C11orf65: variants seen among roughly 807,000 people sequenced by gnomAD.
C11orf65 encodes chromosome 11 open reading frame 65, also known as protein MFI.
Under a neutral mutation model 35.3 loss-of-function variants are expected in C11orf65, and 38 were observed. That is an observed-to-expected ratio of 1.08 (90% confidence interval 0.83 to 1.41). C11orf65 has a LOEUF of 1.41. Among genes scored for constraint, C11orf65 ranks in the 40% most tolerant of loss-of-function variants. The pLI is 0.00. For missense variants in C11orf65, 370 were observed against 367.1 expected, an observed-to-expected ratio of 1.01 and a Z score of -0.06; for synonymous variants, 105 against 114.4, an observed-to-expected ratio of 0.92 and a Z score of 0.53.
rs1438794568 is a variant in C11orf65, at chr11:108,461,512, G to A, written c.48C>T (p.Ala16=). ...TTTTCCAGGCCTGCTGAATGACTCT[G>A]GCAGCCTTATCCTGCTTTGTAAATT... The part of the protein sequence containing the change: ...ESEFTKQDKA[A]RVIQQAWKSF... Residue 16 remains alanine, a synonymous_variant, in exon 2 of 9, where the codon GCC becomes GCT. Transcript: ENST00000393084. The A allele has an allele frequency of 6.2e-7, 1 of 1,610,656 alleles. No homozygotes were observed.
intron 2 of C11orf65, among the ~76,000 whole-genome samples, chr11:108,363,964 T>G (rs1488479058): frequency 6.6e-6 from 1 of 152,214 alleles, no homozygotes; most frequent in African/African-American, 2.4e-5. Context: ...TTTGGATCTC[T>G]GAAATCTAAA....
At chr11:108,357,734 C>T (rs1341598767) in intron 2 of C11orf65, among the ~76,000 whole-genome samples, 1 of 152,152 alleles carries the variant, frequency 6.6e-6, no homozygotes. Flanking sequence ...AGCTGAGGGT[C>T]TTGTCTGTTA....
chr11:108,371,365 C>G (rs1402764267), intron 2 of C11orf65, among the ~76,000 whole-genome samples: 1 of 152,188 alleles, frequency 6.6e-6, no homozygotes, highest in Non-Finnish European at 1.5e-5. Context: ...AAATTCTATA[C>G]CCATTAAACA....
chr11:108,431,887 TCTA>T (rs2092995546), intron 2 of C11orf65, 49 bp from the exon 3 acceptor site: 1 of 1,192,352 alleles, frequency 8.4e-7, no homozygotes, highest in African/African-American at 1.5e-5. Context: ...ATTTTCTATT[TCTA>T]CTTCGCTTTT....
At chr11:108,320,939 A>G (rs567469993) in intron 6 of C11orf65, among the ~76,000 whole-genome samples, 1 of 152,236 alleles carries the variant, frequency 6.6e-6, no homozygotes, top group South Asian at 2.1e-4. Context: ...AGAAAATGTT[A>G]TTGAAAATTA....
chr11:108,331,147 C>T, downstream of C11orf65: 1 of 1,099,658 alleles, frequency 9.1e-7, no homozygotes. Context: ...CAGTCACACT[C>T]AGATCACATT....
rs776103192 is a variant in C11orf65, at chr11:108,332,740, G to GT, written c.300-1174dup. 1.6e-5 allele frequency: 26 copies of GT among 1,607,784 alleles called. No individual in the cohort carries two copies. Among genetic ancestry groups the GT allele is most frequent in the Non-Finnish European group, 2.0e-5 (23 of 1,177,866 alleles). ...AATGTTGGGTAGTTCCTTATGTAATGTTTTTTGTTTTTTATTAATAGGATC... is the reference window on the plus strand; with the variant it reads ...AATGTTGGGTAGTTCCTTATGTAATGTTTTTTTGTTTTTTATTAATAGGATC... On this transcript the variant is annotated intron_variant, in intron 3 of 3. Transcript: ENST00000524755.
chr11:108,454,269 T>C (rs1312781758), intron 2 of C11orf65, among the ~76,000 whole-genome samples: 1 of 151,904 alleles, frequency 6.6e-6, no homozygotes, highest in African/African-American at 2.4e-5. Context: ...TAATGTCTCA[T>C]CTTTCATTTC....
intron 3 of C11orf65, among the ~76,000 whole-genome samples, chr11:108,427,594 C>T (rs1455221034): frequency 1.5e-4 from 22 of 148,638 alleles, no homozygotes; most frequent in Middle Eastern, 3.4e-3. Flanking sequence ...TGGTGGCGCG[C>T]GTCTGTAGTC....
chr11:108,361,784 T>C (rs2090793863), intron 2 of C11orf65, among the ~76,000 whole-genome samples: 1 of 152,120 alleles, frequency 6.6e-6, no homozygotes, highest in Non-Finnish European at 1.5e-5. Context: ...TTACACCTGA[T>C]ACAAAAATTA....
At chr11:108,332,140 G>A (rs1000471311) in intron 3 of C11orf65, 53 of 1,462,334 alleles carry the variant, frequency 3.6e-5, no homozygotes, top group Admixed American at 5.8e-5. Context: ...ATCTAAAATC[G>A]GTTCAAGGCT....
intron 2 of C11orf65, among the ~76,000 whole-genome samples, chr11:108,451,358 C>T (rs1035795892): frequency 9.9e-5 from 15 of 152,004 alleles, no homozygotes; most frequent in African/African-American, 3.6e-4. Flanking sequence ...TCCTATACAC[C>T]AATAACAGAC....
intron 2 of C11orf65, among the ~76,000 whole-genome samples, chr11:108,361,091 C>A (rs1289946407): frequency 7.6e-6 from 1 of 132,104 alleles, no homozygotes. Context: ...TAAGCAACTT[C>A]AGCAAAGTCT....
chr11:108,402,693 T>C (rs1434254409), intron 6 of C11orf65, among the ~76,000 whole-genome samples: 1 of 151,816 alleles, frequency 6.6e-6, no homozygotes, highest in Non-Finnish European at 1.5e-5. Context: ...AATAAATCTA[T>C]CCATCACCCT....
intron 3 of C11orf65, among the ~76,000 whole-genome samples, chr11:108,414,574 T>A (rs1045322377): frequency 1.3e-5 from 2 of 151,988 alleles, no homozygotes; most frequent in Middle Eastern, 3.2e-3. Flanking sequence ...TAATTAAAAC[T>A]TTTCAAAACA....
rs7125581 is a variant in C11orf65 at position 108,443,975 on chromosome 11, G to A, written c.82-12137C>T. ...GGCAAGAAATAACTAAGTTCAGAGC[G>A]GAACTGAAAGAAATAGAGACACAAA... On this transcript the variant is annotated intron_variant, in intron 2 of 8. Transcript: ENST00000393084. Among the ~76,000 whole-genome samples, 280 of 152,048 alleles carry A rather than the reference G, an allele frequency of 1.8e-3. 1 individual carries two copies. Among genetic ancestry groups the A allele is most frequent in the African/African-American group, 6.2e-3 (256 of 41,500 alleles).
At chr11:108,425,948 C>T (rs190847733) in intron 3 of C11orf65, among the ~76,000 whole-genome samples, 14 of 152,196 alleles carry the variant, frequency 9.2e-5, no homozygotes, top group East Asian at 1.9e-4. Flanking sequence ...AATTCAACAC[C>T]GCTTCGTGCT....
chr11:108,371,491 C>T (rs771624817), intron 2 of C11orf65, among the ~76,000 whole-genome samples: 1 of 152,172 alleles, frequency 6.6e-6, no homozygotes, highest in Non-Finnish European at 1.5e-5. Context: ...CAATATTTGT[C>T]TCTTTGTGAC....
intron 6 of C11orf65, among the ~76,000 whole-genome samples, chr11:108,402,382 CT>C (rs2092454425): frequency 6.6e-6 from 1 of 152,092 alleles, no homozygotes; most frequent in Admixed American, 6.6e-5. Flanking sequence ...CACTAGTGCC[CT>C]TATCTTAGTG....
Sources: allele counts gnomAD v4.1 joint callset (sites outside exome capture counted in the v4.1 genomes callset), GRCh38; gene constraint gnomAD v4.1.1; transcripts MANE v1.5; gene names NCBI Gene and HGNC (gene_info 2026-07-23, HGNC 2026-07-21).